CCL25: variants seen among roughly 807,000 people sequenced by gnomAD.
CCL25 encodes C-C motif chemokine ligand 25.
In CCL25, 14 loss-of-function variants were observed where a neutral mutation model predicts 19.9. The observed-to-expected ratio is 0.70, with a 90% CI of 0.47 to 1.10. The LOEUF is 1.10. CCL25 is among the 50% of genes least tolerant of loss of function. The probability of loss-of-function intolerance (pLI) is 0.00; values close to 1 mark genes in which losing one functional copy is unlikely to be tolerated. For synonymous variants in CCL25, 68 were observed against 73.2 expected (o/e 0.93, Z 0.36); for missense variants, 151 against 181.2 (o/e 0.83, Z 0.96).
chr19:8,059,153 T>TATAAATATATATAAATATATATTATATA (rs2081300223), intron 5 of CCL25, among the ~76,000 whole-genome samples: 1 of 77,784 alleles, frequency 1.3e-5, no homozygotes, highest in African/African-American at 4.7e-5. Context: ...TAATATATAA[T>TATAAATATATATAAATATATATTATATA]ATATATAATA....
At chr19:8,060,143 G>C (rs994619367) in intron 5 of CCL25, among the ~76,000 whole-genome samples, 1 of 151,402 alleles carries the variant, frequency 6.6e-6, no homozygotes, top group Admixed American at 6.6e-5. Flanking sequence ...AGACCAGCCT[G>C]GGAAACATAG....
At chr19:8,053,205 G>A (rs2081245444) in intron 2 of CCL25, 83 bp downstream of exon 2, 1 of 838,980 alleles carries the variant, frequency 1.2e-6, no homozygotes, top group Non-Finnish European at 1.8e-6. Context: ...ATCTCCTCCG[G>A]AAGTCTCCCC....
intron 2 of CCL25, among the ~76,000 whole-genome samples, chr19:8,055,225 G>T (rs1289063431): frequency 1.6e-5 from 2 of 126,542 alleles, no homozygotes; most frequent in African/African-American, 5.9e-5. Flanking sequence ...GGAGGCAGAG[G>T]TTGCAGTGAG....
Position 8,062,500 on chromosome 19 carries a change from C to T in CCL25, c.*275C>T. The T allele has an allele frequency of 2.0e-6, 1 of 492,214 alleles. No homozygotes were observed. The highest frequency in any genetic ancestry group is 2.8e-5 in the South Asian group (1 of 35,936). 30.5% of individuals were successfully genotyped at this position (492,214 alleles called of 1,614,324 possible). On this transcript the variant is annotated 3_prime_UTR_variant, in exon 6 of 6. Transcript: ENST00000315626. ...GCTCTTGTAGAGAAGACTTAGGATACCTCTCTCACTTTCTGTTTCTTGCCG... is the reference window on the plus strand; with the variant it reads ...GCTCTTGTAGAGAAGACTTAGGATATCTCTCTCACTTTCTGTTTCTTGCCG...
chr19:8,052,949 CCCACTCCCCTCCTCTTCCTCAGTCCTTA>C, intron 1 of CCL25, 23 bp from the exon 2 acceptor site: 1 of 714,750 alleles, frequency 1.4e-6, no homozygotes, highest in East Asian at 2.9e-5. Context: ...GTTCCCAGTA[CCCACTCCCCTCCTCTTCCTCAGTCCTTA>C]CCACTTCCCT....
At chr19:8,060,982 A>ATTTTTTTTTTT (rs68112327) in intron 5 of CCL25, among the ~76,000 whole-genome samples, 2 of 95,166 alleles carry the variant, frequency 2.1e-5, no homozygotes, top group Non-Finnish European at 4.0e-5. Context: ...GCCCGGCCTA[A>ATTTTTTTTTTT]TTTTTTTTTT....
intron 4 of CCL25, 146 bp from the exon 5 acceptor site, chr19:8,057,655 A>C: frequency 7.7e-7 from 1 of 1,297,938 alleles, no homozygotes; most frequent in Non-Finnish European, 1.0e-6. Context: ...TAATCAGGAC[A>C]CTTTCCACTG....
At chr19:8,059,068 A>T (rs1341600944) in intron 5 of CCL25, among the ~76,000 whole-genome samples, 2 of 50,772 alleles carry the variant, frequency 3.9e-5, no homozygotes, top group Non-Finnish European at 8.2e-5. Flanking sequence ...AAATATATAT[A>T]ATATATAATA....
rs1002695456 is a variant in CCL25 at position 8,062,438 on chromosome 19, C to T, written c.*213C>T. 1.2e-5 allele frequency: 7 copies of T among 575,622 alleles called. No individual in the cohort carries two copies. The highest frequency in any genetic ancestry group is 6.3e-5 in the South Asian group (3 of 47,744). The allele number at this position is 575,622 out of a possible 1,614,324, so 35.7% of individuals were successfully genotyped here. A position where few individuals can be genotyped will look rare whatever the true frequency, so the allele number is the denominator to read the frequency against. On this transcript the variant is annotated 3_prime_UTR_variant, in exon 6 of 6. Transcript: ENST00000315626. The stretch of plus-strand genomic sequence containing the variant: ...GTTGGCCTGATTTTAAGCCTTTTGC[C>T]GCTCCGGGGACCAGCAGCAATCCTG...
intron 5 of CCL25, 84 bp from the exon 6 acceptor site, chr19:8,062,134 G>C: frequency 7.5e-7 from 1 of 1,339,718 alleles, no homozygotes; most frequent in Non-Finnish European, 1.1e-6. Context: ...GAGCTGTAGG[G>C]ACTGGAGGTA....
intron 2 of CCL25, among the ~76,000 whole-genome samples, chr19:8,055,929 C>G (rs534635531): frequency 3.3e-5 from 5 of 152,148 alleles, no homozygotes; most frequent in African/African-American, 7.2e-5. Context: ...CCTTCCCAGC[C>G]GGGACCCAAG....
At chr19:8,056,842 GCT>G (rs2081275948) in intron 4 of CCL25, among the ~76,000 whole-genome samples, 1 of 151,978 alleles carries the variant, frequency 6.6e-6, no homozygotes, top group Admixed American at 6.6e-5. Flanking sequence ...CACCAGTCCA[GCT>G]CTTTTATTAT....
intron 2 of CCL25, among the ~76,000 whole-genome samples, chr19:8,055,285 GAAAAA>G (rs368584418): frequency 4.3e-5 from 4 of 92,760 alleles, no homozygotes; most frequent in African/African-American, 1.7e-4. Context: ...TGAGACTCTG[GAAAAA>G]AAAAAAAAAA....
At chr19:8,052,743 C>T, upstream of CCL25, 1 of 364,542 alleles carries the variant, frequency 2.7e-6, no homozygotes, top group Non-Finnish European at 4.9e-6. Context: ...AAGAGTGAAG[C>T]TCAGCGTGTT....
At chr19:8,053,693 C>T (rs866977123) in intron 2 of CCL25, among the ~76,000 whole-genome samples, 7 of 151,594 alleles carry the variant, frequency 4.6e-5, no homozygotes, top group East Asian at 1.9e-4. Context: ...GGACTACAGG[C>T]GTGTGTACCA....
At chr19:8,053,863 G>A (rs1349084538) in intron 2 of CCL25, among the ~76,000 whole-genome samples, 1 of 151,960 alleles carries the variant, frequency 6.6e-6, no homozygotes, top group Non-Finnish European at 1.5e-5. Flanking sequence ...AAACCTTTAG[G>A]AGCCTCCGTT....
rs1312534542 is a variant in CCL25, at chr19:8,055,398, C to T, written c.74-754C>T. 6.1e-5 allele frequency among the ~76,000 whole-genome samples: 9 copies of T among 148,316 alleles called. No individual in the cohort carries two copies. The South Asian group carries it at 6.5e-4, about 11-fold the overall frequency. ...TCGCCCAGGCTGGAGTGCAGTGGCGCGATCTCGGCTCACTGCAAGCTCTGC... is the reference window on the plus strand; with the variant it reads ...TCGCCCAGGCTGGAGTGCAGTGGCGTGATCTCGGCTCACTGCAAGCTCTGC... On this transcript the variant is annotated intron_variant, in intron 2 of 5. Transcript: ENST00000315626.
At chr19:8,055,101 CA>C (rs1209959809) in intron 2 of CCL25, among the ~76,000 whole-genome samples, 1 of 150,696 alleles carries the variant, frequency 6.6e-6, no homozygotes, top group African/African-American at 2.4e-5. Context: ...CCATCCTGGC[CA>C]ACATGGTGAA....
chr19:8,053,324 G>C (rs780501914), intron 2 of CCL25, among the ~76,000 whole-genome samples: 1 of 152,016 alleles, frequency 6.6e-6, no homozygotes, highest in East Asian at 1.9e-4. Context: ...TTCCTTCTTC[G>C]AGAGCCCCAT....
Sources: allele counts gnomAD v4.1 joint callset (sites outside exome capture counted in the v4.1 genomes callset), GRCh38; gene constraint gnomAD v4.1.1; transcripts MANE v1.5; gene names NCBI Gene and HGNC (gene_info 2026-07-23, HGNC 2026-07-21).